Variants in PDE1C observed in about 807,000 individuals in gnomAD.
PDE1C encodes the protein phosphodiesterase 1C.
In PDE1C, 62 loss-of-function variants were observed where a neutral mutation model predicts 93.1. That is an observed-to-expected ratio of 0.67 (90% CI 0.54 to 0.82). PDE1C has a LOEUF of 0.82. Among genes scored for constraint, PDE1C ranks in the 40% least tolerant of loss-of-function variants. The pLI is 0.00. For missense variants in PDE1C, 742 were observed against 884.6 expected (o/e 0.84, Z 2.04); for synonymous variants, 325 against 310.1 (o/e 1.05, Z -0.50).
At chr7:32,244,470 T>A (rs558144312) in intron 1 of PDE1C, among the ~76,000 whole-genome samples, 1 of 152,344 alleles carries the variant, frequency 6.6e-6, no homozygotes, top group South Asian at 2.1e-4. Flanking sequence ...GAGGCGTCTG[T>A]GAGTCCTGAC....
chr7:31,699,991 C>A, the PDE1C span, among the ~76,000 whole-genome samples: 1 of 152,002 alleles, frequency 6.6e-6, no homozygotes, highest in Non-Finnish European at 1.5e-5. Context: ...CCCTATTCCA[C>A]GAGACACAAA....
chr7:31,867,666 C>T (rs1795465020), intron 6 of PDE1C, among the ~76,000 whole-genome samples: 1 of 152,180 alleles, frequency 6.6e-6, no homozygotes, highest in South Asian at 2.1e-4. Context: ...ACTGAGAAGC[C>T]CCCAATCCAC....
intron 2 of PDE1C, among the ~76,000 whole-genome samples, chr7:31,976,647 C>A (rs933457462): frequency 1.3e-5 from 2 of 151,492 alleles, no homozygotes; most frequent in African/African-American, 4.9e-5. Context: ...TGCCACCACT[C>A]TGGTCTACAC....
intron 3 of PDE1C, among the ~76,000 whole-genome samples, chr7:32,092,242 T>C (rs988029236): frequency 1.2e-4 from 18 of 152,166 alleles, no homozygotes; most frequent in African/African-American, 4.1e-4. Flanking sequence ...TTAAAGAGCA[T>C]GTTTTTCACT....
chr7:32,291,819 G>A (rs1812344342), intron 1 of PDE1C, among the ~76,000 whole-genome samples: 1 of 152,174 alleles, frequency 6.6e-6, no homozygotes, highest in Admixed American at 6.5e-5. Context: ...CCTCTTCCGG[G>A]AGGGGCAGGA....
chr7:32,170,879 T>C (rs1468700323), intron 2 of PDE1C, among the ~76,000 whole-genome samples: 1 of 152,090 alleles, frequency 6.6e-6, no homozygotes, highest in African/African-American at 2.4e-5. Context: ...TAGGACTTTC[T>C]CACCCCTGAC....
intron 2 of PDE1C, among the ~76,000 whole-genome samples, chr7:31,924,047 G>A (rs1803013891): frequency 6.6e-6 from 1 of 152,128 alleles, no homozygotes; most frequent in Non-Finnish European, 1.5e-5. Context: ...TTAAAATCCT[G>A]ATGTGAGGTT....
At chr7:31,929,826 G>A (rs1803939668) in intron 2 of PDE1C, among the ~76,000 whole-genome samples, 1 of 152,068 alleles carries the variant, frequency 6.6e-6, no homozygotes, top group Admixed American at 6.6e-5. Flanking sequence ...GCCCACAACA[G>A]AAAGTGGGAA....
chr7:32,153,889 C>T (rs1024550921), intron 3 of PDE1C, among the ~76,000 whole-genome samples: 5 of 152,122 alleles, frequency 3.3e-5, no homozygotes, highest in African/African-American at 7.2e-5. Flanking sequence ...CTCTCTTTCC[C>T]CCCACAACAC....
At chr7:31,871,999 AT>A (rs1472761475) in intron 6 of PDE1C, among the ~76,000 whole-genome samples, 2 of 151,938 alleles carry the variant, frequency 1.3e-5, no homozygotes, top group Admixed American at 1.3e-4. Flanking sequence ...GGATGAATGG[AT>A]AAGGAAAACT....
At chr7:32,167,147 T>A (rs1319932365) in intron 3 of PDE1C, among the ~76,000 whole-genome samples, 2 of 152,206 alleles carry the variant, frequency 1.3e-5, no homozygotes, top group Non-Finnish European at 2.9e-5. Flanking sequence ...ACACTTCGTA[T>A]CTTTGGAAAC....
intron 1 of PDE1C, among the ~76,000 whole-genome samples, chr7:32,266,256 TG>T (rs1810564270): frequency 6.6e-6 from 1 of 151,426 alleles, no homozygotes; most frequent in Non-Finnish European, 1.5e-5. Flanking sequence ...CACTCCAGCC[TG>T]GGCGACAGAG....
At chr7:31,674,343 T>C in the PDE1C span, among the ~76,000 whole-genome samples, 8 of 152,342 alleles carry the variant, frequency 5.3e-5, no homozygotes, top group South Asian at 1.7e-3. Context: ...AATGCCATGA[T>C]AAAACCTGAG....
intron 16 of PDE1C, among the ~76,000 whole-genome samples, chr7:31,803,378 CAA>C (rs1786318799): frequency 6.6e-6 from 1 of 151,040 alleles, no homozygotes; most frequent in African/African-American, 2.4e-5. Context: ...GCATTGGTTT[CAA>C]TTGGTTGGGC....
At chr7:32,402,522 A>G (rs1784968495) in intron 1 of PDE1C, among the ~76,000 whole-genome samples, 1 of 152,144 alleles carries the variant, frequency 6.6e-6, no homozygotes, top group Admixed American at 6.5e-5. Flanking sequence ...TGTTCTATCC[A>G]GACCCTCAAC....
intron 17 of PDE1C, among the ~76,000 whole-genome samples, chr7:31,760,613 C>T (rs1029970478): frequency 1.3e-4 from 20 of 152,220 alleles, no homozygotes; most frequent in African/African-American, 4.8e-4. Context: ...CTACTTGGAG[C>T]TTTTGAGTAA....
chr7:32,106,696 G>A (rs966771004), intron 3 of PDE1C, among the ~76,000 whole-genome samples: 1 of 152,060 alleles, frequency 6.6e-6, no homozygotes, highest in East Asian at 1.9e-4. Flanking sequence ...TTGCAATAAG[G>A]CAACCCAATT....
In PDE1C at chr7:31,993,176, T is replaced by G. The variant is rs139713587; in HGVS notation, c.128+58378A>C. Among the ~76,000 whole-genome samples, 1,216 of 152,326 alleles carry G rather than the reference T, an allele frequency of 8.0e-3. 15 individuals are homozygous for G. Among genetic ancestry groups the G allele is most frequent in the African/African-American group, 0.027 (1,134 of 41,562 alleles). On this transcript the variant is annotated intron_variant, in intron 2 of 17. Coordinates refer to ENST00000396191, the MANE Select transcript of PDE1C (RefSeq NM_001191057.4). ...AATATAAACCAATGTTGTGAATATA[T>G]CTCAGCTTTCTCTCAGAGAATAGCT...
At chr7:32,037,221 A>G (rs1250645430) in intron 2 of PDE1C, among the ~76,000 whole-genome samples, 1 of 152,150 alleles carries the variant, frequency 6.6e-6, no homozygotes, top group Non-Finnish European at 1.5e-5. Context: ...CCATTCTGAC[A>G]GACAAGTGGT....
Sources: gnomAD v4.1 joint callset for allele counts (sites outside exome capture counted in the v4.1 genomes callset) on GRCh38, gnomAD v4.1.1 for gene constraint, MANE v1.5 for transcripts, NCBI Gene and HGNC (gene_info 2026-07-23, HGNC 2026-07-21) for gene names.